DNAJC12: variants seen among roughly 807,000 people sequenced by gnomAD.
The protein encoded by DNAJC12 is dnaJ homolog subfamily C member 12.
A neutral mutation model predicts 28.5 loss-of-function variants in DNAJC12; 25 were observed. The ratio of observed to expected loss-of-function variants is 0.88; its 90% CI spans 0.64 to 1.22. The LOEUF (loss-of-function observed/expected upper bound fraction) is 1.22, where lower values mean the gene tolerates loss of function less well. DNAJC12 is among the 50% of genes most tolerant of loss of function. The probability of loss-of-function intolerance (pLI) is 0.00; values close to 1 mark genes in which losing one functional copy is unlikely to be tolerated. For synonymous variants in DNAJC12, 77 were observed against 80.6 expected (o/e 0.95, Z 0.24); for missense variants, 222 against 231.7 (o/e 0.96, Z 0.27).
chr10:67,835,498 T>C (rs911608405), intron 1 of DNAJC12, among the ~76,000 whole-genome samples: 1 of 152,136 alleles, frequency 6.6e-6, no homozygotes, highest in East Asian at 1.9e-4. Context: ...AAGACCATCC[T>C]GGCCAACACG....
At chr10:67,819,791 A>G (rs1387038262) in intron 2 of DNAJC12, among the ~76,000 whole-genome samples, 1 of 147,890 alleles carries the variant, frequency 6.8e-6, no homozygotes, top group African/African-American at 2.5e-5. Flanking sequence ...GAAGGAAGGA[A>G]GGAAGGAAGG....
chr10:67,797,124 C>T lies in DNAJC12; in HGVS notation c.589G>A (p.Glu197Lys), dbSNP rs1564855448. 6.2e-7 allele frequency: 1 copy of T among 1,612,650 alleles called. No homozygotes were observed. Among genetic ancestry groups the T allele is most frequent in the Admixed American group, 1.7e-5 (1 of 59,836 alleles). Residue 197 changes from glutamate to lysine, a missense_variant, in exon 5 of 5, where the codon GAA becomes AAA. Physicochemically the swap from Glu to Lys is moderately conservative, Grantham distance 56. Coordinates refer to ENST00000225171, the MANE Select transcript of DNAJC12 (RefSeq NM_021800.3). The part of the protein sequence containing the change: ...SELLRKFRNY[E>K]I ...TTTGAAGCAGAGATATTTCATATTT[C>T]ATAGTTTCTGAACTTCCTCAGGAGT...
intron 1 of DNAJC12, among the ~76,000 whole-genome samples, chr10:67,826,159 G>C (rs1285769678): frequency 6.8e-6 from 1 of 146,200 alleles, no homozygotes; most frequent in African/African-American, 2.5e-5. Flanking sequence ...TTTTGAGTCA[G>C]CTTCTTGCTC....
In DNAJC12 at chr10:67,797,103, A is replaced by G; in HGVS notation, c.*13T>C. 2 of 1,605,956 alleles carry G rather than the reference A, an allele frequency of 1.2e-6. No homozygotes were observed. Among genetic ancestry groups the G allele is most frequent in the Non-Finnish European group, 1.7e-6 (2 of 1,174,292 alleles). Reference sequence around the variant, plus strand: ...CAGTCTTGCTCTTCCTCATTTTTTGAAGCAGAGATATTTCATATTTCATAG... The same window carrying G: ...CAGTCTTGCTCTTCCTCATTTTTTGGAGCAGAGATATTTCATATTTCATAG... On this transcript the variant is annotated 3_prime_UTR_variant, in exon 5 of 5. Coordinates refer to ENST00000225171, the MANE Select transcript of DNAJC12 (RefSeq NM_021800.3).
chr10:67,805,882 C>T (rs1841795724), intron 3 of DNAJC12, 95 bp from the exon 4 acceptor site: 1 of 930,068 alleles, frequency 1.1e-6, no homozygotes, highest in Non-Finnish European at 1.5e-6. Context: ...TGACCTACTA[C>T]TGTAGTGCTA....
At chr10:67,836,739 A>T (rs1842145879) in intron 1 of DNAJC12, among the ~76,000 whole-genome samples, 1 of 152,150 alleles carries the variant, frequency 6.6e-6, no homozygotes, top group Non-Finnish European at 1.5e-5. Context: ...CATGGCAAAA[A>T]TAGAGATTTT....
At chr10:67,798,421 TG>T (rs1841701999) in intron 4 of DNAJC12, among the ~76,000 whole-genome samples, 2 of 152,246 alleles carry the variant, frequency 1.3e-5, no homozygotes, top group South Asian at 4.1e-4. Context: ...GGCTCACGCT[TG>T]TAATCCTAGC....
intron 4 of DNAJC12, among the ~76,000 whole-genome samples, chr10:67,803,170 AT>A (rs935419897): frequency 4.6e-5 from 7 of 151,650 alleles, no homozygotes; most frequent in African/African-American, 1.7e-4. Context: ...AAAAAAAAAA[AT>A]TTTATGAGGT....
intron 3 of DNAJC12, among the ~76,000 whole-genome samples, chr10:67,808,286 C>T (rs1347452498): frequency 6.6e-6 from 1 of 152,138 alleles, no homozygotes; most frequent in East Asian, 1.9e-4. Context: ...ATAAAATGCA[C>T]AAGACAGAAA....
At chr10:67,831,048 T>C (rs1278599075) in intron 1 of DNAJC12, among the ~76,000 whole-genome samples, 1 of 152,002 alleles carries the variant, frequency 6.6e-6, no homozygotes, top group Non-Finnish European at 1.5e-5. Context: ...ATTAGCCGGG[T>C]GTGGTAGCAC....
chr10:67,805,456 A>G, intron 4 of DNAJC12, 127 bp downstream of exon 4: 1 of 1,010,828 alleles, frequency 9.9e-7, no homozygotes, highest in Non-Finnish European at 1.4e-6. Flanking sequence ...GTGTCTTTTA[A>G]GATGATAAAC....
intron 4 of DNAJC12, among the ~76,000 whole-genome samples, chr10:67,797,787 T>G (rs1841689878): frequency 6.6e-6 from 1 of 152,164 alleles, no homozygotes; most frequent in African/African-American, 2.4e-5. Flanking sequence ...ACGCCTGTAA[T>G]CCCAGCACTT....
intron 1 of DNAJC12, chr10:67,827,396 A>AG (rs1363338141): frequency 1.3e-5 from 2 of 151,718 alleles, no homozygotes; most frequent in East Asian, 1.9e-4. Context: ...CAAAAAAAAA[A>AG]AAAATCTGGG....
intron 2 of DNAJC12, among the ~76,000 whole-genome samples, chr10:67,821,101 A>G (rs1465286744): frequency 6.6e-6 from 1 of 152,156 alleles, no homozygotes; most frequent in East Asian, 1.9e-4. Context: ...CATTTTCTAA[A>G]TAAAGAAGAG....
At chr10:67,818,324 T>G (rs1841936291) in intron 2 of DNAJC12, among the ~76,000 whole-genome samples, 1 of 152,304 alleles carries the variant, frequency 6.6e-6, no homozygotes, top group Non-Finnish European at 1.5e-5. Context: ...TTAAATAGAT[T>G]AAAAAACAAC....
chr10:67,819,769 A>AGGGAGGGAGGGAGGGAGG (rs1446676616), intron 2 of DNAJC12, among the ~76,000 whole-genome samples: 1 of 25,138 alleles, frequency 4.0e-5, no homozygotes, highest in East Asian at 1.4e-3. Flanking sequence ...GAAGGAAGGA[A>AGGGAGGGAGGGAGGGAGG]GGAAGGAAGG....
intron 1 of DNAJC12, among the ~76,000 whole-genome samples, chr10:67,831,883 T>C (rs1256941975): frequency 6.6e-6 from 1 of 152,208 alleles, no homozygotes; most frequent in Non-Finnish European, 1.5e-5. Flanking sequence ...TATAGTGTAA[T>C]AGGAGCTTTC....
rs571275494 is a variant in DNAJC12 at position 67,818,801 on chromosome 10, A to G, written c.157+4513T>C. 3.3e-5 allele frequency among the ~76,000 whole-genome samples: 5 copies of G among 152,024 alleles called. No homozygotes were observed. The East Asian group carries it at 9.8e-4, about 30-fold the overall frequency. On this transcript the variant is annotated intron_variant, in intron 2 of 4. Transcript: ENST00000225171. ...CTCCCAAGTAGCTGGGATTACAGGC[A>G]TGTGCCACCACGCCCGGCTAATTTT...
In DNAJC12 at chr10:67,830,610, AAAATAAATAAATAAAT is replaced by A. The variant is rs71006172; in HGVS notation, c.79-7234_79-7219del. The stretch of plus-strand genomic sequence containing the variant: ...GCGACAGAGCAAGACTCCGTCTCAA[AAAATAAATAAATAAAT>A]AAATAAATAAATAAATAAATAAATA... On this transcript the variant is annotated intron_variant, in intron 1 of 4. Coordinates refer to ENST00000225171, the MANE Select transcript of DNAJC12 (RefSeq NM_021800.3). 3.6e-3 allele frequency among the ~76,000 whole-genome samples: 523 copies of A among 144,878 alleles called. 4 individuals carry two copies. The highest frequency in any genetic ancestry group is 8.4e-3 in the African/African-American group (328 of 39,280).
Sources: allele counts gnomAD v4.1 joint callset (sites outside exome capture counted in the v4.1 genomes callset), GRCh38; gene constraint gnomAD v4.1.1; transcripts MANE v1.5; gene names NCBI Gene and HGNC (gene_info 2026-07-23, HGNC 2026-07-21).